Variants in NPTN observed in about 807,000 individuals in gnomAD.
The protein encoded by NPTN is SDR-1.
Under a neutral mutation model 42.7 loss-of-function variants are expected in NPTN, and 5 were observed. The observed-to-expected ratio is 0.12, with a 90% CI of 0.06 to 0.25. The LOEUF (loss-of-function observed/expected upper bound fraction) is 0.25. NPTN is among the 10% of genes least tolerant of loss of function. The pLI, the probability that NPTN is intolerant of heterozygous loss-of-function variation, is 1.00. For missense variants in NPTN, 307 were observed against 525.4 expected, an observed-to-expected ratio of 0.58 and a Z score of 4.06; for synonymous variants, 180 against 201.9, an observed-to-expected ratio of 0.89 and a Z score of 0.92.
At chr15:73,615,042 T>G (rs1426698947) in intron 1 of NPTN, among the ~76,000 whole-genome samples, 1 of 152,160 alleles carries the variant, frequency 6.6e-6, no homozygotes, top group Non-Finnish European at 1.5e-5. Flanking sequence ...AGGTTTCAAC[T>G]TAACCACTGT....
At position 73,565,065 on chromosome 15, in the gene NPTN, G is replaced by T. The variant is rs115675231; in HGVS notation, c.1115-1808C>A. On this transcript the variant is annotated intron_variant, in intron 6 of 8. Transcript: ENST00000345330. ...GTCTGATTAGTAATGTCACTTTCCA[G>T]CCCAACAAGCTGGTAACATGCAAAG... Among the ~76,000 whole-genome samples, 673 of 152,330 alleles carry T rather than the reference G, an allele frequency of 4.4e-3. 8 individuals carry two copies. Among genetic ancestry groups the T allele is most frequent in the African/African-American group, 0.016 (652 of 41,578 alleles).
intron 3 of NPTN, among the ~76,000 whole-genome samples, chr15:73,590,935 G>C (rs996829366): frequency 1.3e-5 from 2 of 152,050 alleles, no homozygotes; most frequent in African/African-American, 2.4e-5. Flanking sequence ...AACTACAGTG[G>C]AGATAGGTTA....
At chr15:73,630,320 C>T (rs1898669644) in intron 1 of NPTN, among the ~76,000 whole-genome samples, 1 of 152,234 alleles carries the variant, frequency 6.6e-6, no homozygotes, top group Non-Finnish European at 1.5e-5. Context: ...TTGATCATCA[C>T]ATTATACTGC....
chr15:73,579,910 C>A (rs919637735), intron 4 of NPTN, among the ~76,000 whole-genome samples: 1 of 152,156 alleles, frequency 6.6e-6, no homozygotes, highest in Non-Finnish European at 1.5e-5. Flanking sequence ...CAGAACACCC[C>A]ACTAAGCTGC....
At chr15:73,632,072 C>G (rs1566996523) in intron 1 of NPTN, among the ~76,000 whole-genome samples, 1 of 152,144 alleles carries the variant, frequency 6.6e-6, no homozygotes, top group Non-Finnish European at 1.5e-5. Flanking sequence ...TCGCCAGTCA[C>G]TGCCCTCAAT....
intron 5 of NPTN, among the ~76,000 whole-genome samples, chr15:73,573,010 C>T (rs1895496654): frequency 6.6e-6 from 1 of 152,164 alleles, no homozygotes; most frequent in Admixed American, 6.5e-5. Context: ...CTCCAGCCAC[C>T]TAGGACCTGC....
At chr15:73,604,912 G>C (rs1417030292) in intron 1 of NPTN, among the ~76,000 whole-genome samples, 1 of 152,098 alleles carries the variant, frequency 6.6e-6, no homozygotes, top group Admixed American at 6.5e-5. Flanking sequence ...GACTGCACCA[G>C]TCTGGACAAC....
chr15:73,624,824 T>A (rs1004033359), intron 1 of NPTN, among the ~76,000 whole-genome samples: 2 of 152,128 alleles, frequency 1.3e-5, no homozygotes, highest in Admixed American at 1.3e-4. Context: ...GGCTCAGGAA[T>A]AAGGAACACA....
chr15:73,612,631 G>A (rs548358353), intron 1 of NPTN, among the ~76,000 whole-genome samples: 32 of 152,184 alleles, frequency 2.1e-4, no homozygotes, highest in East Asian at 7.7e-4. Context: ...TTAGCCGGGC[G>A]TGGTGGCCAG....
intron 6 of NPTN, chr15:73,568,899 G>A (rs1024128526): frequency 1.0e-6 from 1 of 985,486 alleles, no homozygotes; most frequent in Non-Finnish European, 1.2e-6. Flanking sequence ...ATGGGGAAGG[G>A]GCTGTTGCTC....
chr15:73,601,518 C>T (rs1897083791), intron 1 of NPTN, among the ~76,000 whole-genome samples: 1 of 152,212 alleles, frequency 6.6e-6, no homozygotes, highest in South Asian at 2.1e-4. Context: ...TGACTCACTG[C>T]CCTGCCTTTC....
chr15:73,580,176 A>G (rs1895913276), intron 4 of NPTN, among the ~76,000 whole-genome samples: 1 of 151,566 alleles, frequency 6.6e-6, no homozygotes, highest in Non-Finnish European at 1.5e-5. Flanking sequence ...ACTTTAACAT[A>G]CTGAGGGGAA....
chr15:73,627,384 C>T (rs527592708), intron 1 of NPTN, among the ~76,000 whole-genome samples: 1 of 152,222 alleles, frequency 6.6e-6, no homozygotes, highest in South Asian at 2.1e-4. Flanking sequence ...CTTTTTAGTA[C>T]AAGAAACTCA....
intron 1 of NPTN, among the ~76,000 whole-genome samples, chr15:73,631,198 A>C (rs150238133): frequency 1.3e-5 from 2 of 152,342 alleles, no homozygotes; most frequent in Admixed American, 1.3e-4. Context: ...AAGATCAAGA[A>C]TCTCTCACCT....
chr15:73,575,319 G>A (rs761925117), intron 4 of NPTN, among the ~76,000 whole-genome samples: 3 of 152,098 alleles, frequency 2.0e-5, no homozygotes, highest in Non-Finnish European at 2.9e-5. Context: ...GTTTCACCAT[G>A]TTGGTCAGGC....
At chr15:73,581,354 C>T (rs778128604) in intron 4 of NPTN, among the ~76,000 whole-genome samples, 3 of 152,178 alleles carry the variant, frequency 2.0e-5, no homozygotes, top group African/African-American at 7.2e-5. Flanking sequence ...CTCTGTGCTT[C>T]TCTTTACCCT....
intron 1 of NPTN, among the ~76,000 whole-genome samples, chr15:73,603,510 T>A (rs1481089): frequency 6.6e-6 from 1 of 151,950 alleles, no homozygotes; most frequent in Admixed American, 6.6e-5. Context: ...TAGAGCAAAC[T>A]GGAATGAACA....
In NPTN at chr15:73,570,025, T is replaced by C. The variant is rs1302550173; in HGVS notation, c.1114+125A>G. On this transcript the variant is annotated intron_variant, in intron 6 of 8. Coordinates refer to ENST00000345330, the MANE Select transcript of NPTN (RefSeq NM_012428.4). This position sits in a 1 kb window ranked among gnomAD's most constrained non-coding sequence, Gnocchi z 4.0. The stretch of plus-strand genomic sequence containing the variant: ...ACGGGTAGGGGGTTAGGAACTGGTA[T>C]AAGAATTTTCCTTCTTTCCTTTAGG... 4.4e-6 allele frequency: 4 copies of C among 902,306 alleles called. No homozygotes were observed. The highest frequency in any genetic ancestry group is 3.8e-5 in the South Asian group (1 of 26,544). 55.9% of individuals were successfully genotyped at this position (902,306 alleles called of 1,614,324 possible). A position where few individuals can be genotyped will look rare whatever the true frequency, so the allele number is the denominator to read the frequency against.
intron 1 of NPTN, among the ~76,000 whole-genome samples, chr15:73,620,729 G>A (rs1183726210): frequency 5.9e-5 from 9 of 152,116 alleles, no homozygotes; most frequent in African/African-American, 1.7e-4. Context: ...CTGTTCTTTC[G>A]TTCATTTGGA....
Sources: gnomAD v4.1 joint callset for allele counts (sites outside exome capture counted in the v4.1 genomes callset) on GRCh38, gnomAD v4.1.1 for gene constraint, Gnocchi (gnomAD v3.1) non-coding constraint, MANE v1.5 for transcripts, NCBI Gene and HGNC (gene_info 2026-07-23, HGNC 2026-07-21) for gene names.